Variants in ADGRB3 observed in about 807,000 individuals in gnomAD.
The protein encoded by ADGRB3 is adhesion G protein-coupled receptor B3.
In ADGRB3, 37 loss-of-function variants were observed where a neutral mutation model predicts 193.4. That is an observed-to-expected ratio of 0.19 (90% CI 0.15 to 0.25). The LOEUF (loss-of-function observed/expected upper bound fraction) is 0.25, where lower values mean the gene tolerates loss of function less well. Among genes scored for constraint, ADGRB3 ranks in the 10% least tolerant of loss-of-function variants. The pLI, the probability that ADGRB3 is intolerant of heterozygous loss-of-function variation, is 1.00. For missense variants in ADGRB3, 1,637 were observed against 1,852.9 expected (o/e 0.88, Z 2.14); for synonymous variants, 690 against 644.2 (o/e 1.07, Z -1.08).
At chr6:69,100,877 G>C (rs9446092) in intron 17 of ADGRB3, among the ~76,000 whole-genome samples, 241 of 33,142 alleles carry the variant, frequency 7.3e-3, no homozygotes, top group Non-Finnish European at 0.011. Flanking sequence ...AAGGAAGAAG[G>C]AAGGGAGGGA....
At chr6:69,273,986 T>C (rs1256666710) in intron 20 of ADGRB3, among the ~76,000 whole-genome samples, 3 of 152,108 alleles carry the variant, frequency 2.0e-5, no homozygotes, top group Admixed American at 1.3e-4. Flanking sequence ...TATATGAGAA[T>C]TGGTGTGGGA....
intron 17 of ADGRB3, among the ~76,000 whole-genome samples, chr6:69,088,818 T>A (rs944720821): frequency 7.2e-5 from 11 of 152,264 alleles, no homozygotes; most frequent in African/African-American, 2.2e-4. Context: ...ATTTTCACAC[T>A]GCCTTTCAAC....
chr6:68,716,521 T>G (rs952405273), intron 3 of ADGRB3, among the ~76,000 whole-genome samples: 1 of 151,580 alleles, frequency 6.6e-6, no homozygotes, highest in Non-Finnish European at 1.5e-5. Flanking sequence ...CTCATTTTTT[T>G]TTTTTTTCCT....
At chr6:69,177,922 G>A (rs1056984798) in intron 17 of ADGRB3, among the ~76,000 whole-genome samples, 2 of 152,156 alleles carry the variant, frequency 1.3e-5, no homozygotes, top group African/African-American at 4.8e-5. Flanking sequence ...CTGGCTCATG[G>A]GTGGAGTATT....
intron 3 of ADGRB3, among the ~76,000 whole-genome samples, chr6:68,916,978 G>A (rs536676072): frequency 2.6e-5 from 4 of 152,308 alleles, no homozygotes; most frequent in South Asian, 2.1e-4. Context: ...GCTATGTGGA[G>A]AATTCTCAGC....
At chr6:68,877,384 T>A (rs965361581) in intron 3 of ADGRB3, among the ~76,000 whole-genome samples, 8 of 151,124 alleles carry the variant, frequency 5.3e-5, no homozygotes, top group African/African-American at 1.7e-4. Flanking sequence ...ATTTAGGATT[T>A]TTTTTTTATT....
chr6:69,134,166 G>A (rs1024804702), intron 17 of ADGRB3, among the ~76,000 whole-genome samples: 2 of 151,986 alleles, frequency 1.3e-5, no homozygotes, highest in Admixed American at 6.6e-5. Context: ...CTGAGAATTG[G>A]TCCTCTTGAA....
intron 3 of ADGRB3, among the ~76,000 whole-genome samples, chr6:68,724,663 ATTT>A (rs35845748): frequency 6.9e-6 from 1 of 144,558 alleles, no homozygotes. Flanking sequence ...AAAAACCCAT[ATTT>A]TTTTTTTTTT....
At chr6:68,718,352 C>G (rs1334028439) in intron 3 of ADGRB3, among the ~76,000 whole-genome samples, 1 of 151,668 alleles carries the variant, frequency 6.6e-6, no homozygotes, top group East Asian at 1.9e-4. Context: ...GATGATATAG[C>G]TAAGCCATGG....
intron 23 of ADGRB3, among the ~76,000 whole-genome samples, chr6:69,331,132 A>G (rs1046748627): frequency 6.6e-6 from 1 of 152,118 alleles, no homozygotes; most frequent in Admixed American, 6.5e-5. Context: ...ATAACACTCA[A>G]AAACATCTTC....
intron 3 of ADGRB3, among the ~76,000 whole-genome samples, chr6:68,815,613 G>GTC (rs1767616531): frequency 1.4e-5 from 2 of 142,900 alleles, no homozygotes; most frequent in Admixed American, 7.4e-5. Flanking sequence ...TTGTGTGTGT[G>GTC]TGTGTGTGTG....
At chr6:69,128,802 T>G (rs1773923413) in intron 17 of ADGRB3, among the ~76,000 whole-genome samples, 1 of 152,194 alleles carries the variant, frequency 6.6e-6, no homozygotes, top group Non-Finnish European at 1.5e-5. Flanking sequence ...AATTTCACAT[T>G]AACTATAATT....
intron 17 of ADGRB3, among the ~76,000 whole-genome samples, chr6:69,170,993 GAA>G (rs1312556974): frequency 6.6e-6 from 1 of 152,086 alleles, no homozygotes; most frequent in East Asian, 1.9e-4. Flanking sequence ...AAAGTAAAAA[GAA>G]AAAAGTTATT....
intron 17 of ADGRB3, among the ~76,000 whole-genome samples, chr6:69,087,717 A>G (rs561434965): frequency 6.7e-4 from 102 of 152,316 alleles, no homozygotes; most frequent in African/African-American, 2.5e-3. Context: ...TTATTTATGA[A>G]AAAAGAATAG....
intron 3 of ADGRB3, among the ~76,000 whole-genome samples, chr6:68,839,061 C>G (rs368694525): frequency 9.1e-6 from 1 of 109,940 alleles, no homozygotes; most frequent in African/African-American, 2.9e-5. Flanking sequence ...CTCTTCCTTC[C>G]TCTCTCTCTG....
chr6:68,879,339 C>G (rs928632906), intron 3 of ADGRB3, among the ~76,000 whole-genome samples: 4 of 151,260 alleles, frequency 2.6e-5, no homozygotes, highest in Non-Finnish European at 5.9e-5. Context: ...GCGTCAGCCT[C>G]CCCAGTAGCT....
chr6:68,745,644 C>CATATATAT (rs1766069148), intron 3 of ADGRB3, among the ~76,000 whole-genome samples: 3 of 151,604 alleles, frequency 2.0e-5, no homozygotes, highest in Admixed American at 1.3e-4. Context: ...ATATATATGT[C>CATATATAT]ATATATGTAA....
At chr6:69,085,170 T>C (rs1772511644) in intron 17 of ADGRB3, among the ~76,000 whole-genome samples, 1 of 152,086 alleles carries the variant, frequency 6.6e-6, no homozygotes, top group African/African-American at 2.4e-5. Flanking sequence ...CTGTGTGAAA[T>C]GTACACTTTG....
chr6:69,037,253 G>A (rs559225332), intron 13 of ADGRB3, among the ~76,000 whole-genome samples: 2 of 152,272 alleles, frequency 1.3e-5, no homozygotes, highest in South Asian at 2.1e-4. Context: ...GAAAATAAAG[G>A]ATTCTAATTA....
Sources: gnomAD v4.1 joint callset for allele counts (sites outside exome capture counted in the v4.1 genomes callset) on GRCh38, gnomAD v4.1.1 for gene constraint, MANE v1.5 for transcripts, NCBI Gene and HGNC (gene_info 2026-07-23, HGNC 2026-07-21) for gene names.